PNKD: variants seen among roughly 807,000 people sequenced by gnomAD.
The protein encoded by PNKD is PNKD metallo-beta-lactamase domain containing.
A neutral mutation model predicts 45.3 loss-of-function variants in PNKD; 36 were observed. The ratio of observed to expected loss-of-function variants is 0.80; its 90% confidence interval spans 0.61 to 1.05. PNKD has a LOEUF of 1.05. PNKD is among the 50% of genes least tolerant of loss of function. The probability of loss-of-function intolerance (pLI) is 0.00; values close to 1 mark genes in which losing one functional copy is unlikely to be tolerated. For missense variants in PNKD, 511 were observed against 506.6 expected, an observed-to-expected ratio of 1.01 and a Z score of -0.08; for synonymous variants, 197 against 210.1, an observed-to-expected ratio of 0.94 and a Z score of 0.54.
intron 2 of PNKD, among the ~76,000 whole-genome samples, chr2:218,315,120 C>CTTTCTTT (rs1553667879): frequency 3.8e-4 from 18 of 47,170 alleles, no homozygotes; most frequent in African/African-American, 7.3e-4. Flanking sequence ...TTCCTTCCTT[C>CTTTCTTT]CTTTCTTTCT....
At chr2:218,323,499 C>T in intron 2 of PNKD, 2 of 222,680 alleles carry the variant, frequency 9.0e-6, no homozygotes, top group Non-Finnish European at 1.5e-5. Context: ...GACTGGGAGG[C>T]GGGGGCTGGA....
rs760758102 is a variant in PNKD at position 218,282,106 on chromosome 2, G to A, written c.236+10557G>A. On this transcript the variant is annotated intron_variant, in intron 2 of 9. Coordinates refer to ENST00000273077, the MANE Select transcript of PNKD (RefSeq NM_015488.5). ...GAGGGCCTGGGTACAGGGGGTTGCG[G>A]TCTTCATATGGTGGTGGGGCGCTGG... The A allele has an allele frequency of 4.5e-6, 7 of 1,553,210 alleles. No individual in the cohort carries two copies. The Admixed American group carries it at 8.0e-5, about 18-fold the overall frequency.
chr2:218,273,282 G>GT (rs1690928534), intron 2 of PNKD, among the ~76,000 whole-genome samples: 3 of 152,000 alleles, frequency 2.0e-5, no homozygotes, highest in South Asian at 2.1e-4. Flanking sequence ...TTTGTTTTTT[G>GT]TTTTTTGAGA....
intron 2 of PNKD, among the ~76,000 whole-genome samples, chr2:218,310,163 T>A (rs1489883974): frequency 6.6e-5 from 10 of 152,202 alleles, no homozygotes; most frequent in African/African-American, 2.4e-4. Flanking sequence ...TGATGGCATC[T>A]TGAAGCAAGA....
At chr2:218,311,382 A>G (rs1348293160) in intron 2 of PNKD, among the ~76,000 whole-genome samples, 1 of 152,230 alleles carries the variant, frequency 6.6e-6, no homozygotes, top group Non-Finnish European at 1.5e-5. Context: ...CTCAGCATAC[A>G]GAGGACCCGC....
intron 2 of PNKD, among the ~76,000 whole-genome samples, chr2:218,298,364 G>A (rs889913858): frequency 5.3e-5 from 8 of 152,120 alleles, no homozygotes; most frequent in African/African-American, 9.7e-5. Context: ...CAGGTGAATC[G>A]CCAGCCACAC....
Position 218,279,026 on chromosome 2 carries a change from G to A in PNKD, c.236+7477G>A, listed in dbSNP as rs779438740. 9.9e-6 allele frequency: 16 copies of A among 1,613,944 alleles called. No individual in the cohort carries two copies. The African/African-American group carries it at 1.5e-4, about 15-fold the overall frequency. On this transcript the variant is annotated intron_variant, in intron 2 of 9. Transcript: ENST00000273077. ...TGCCTCCCTGCCCAACCACAGAGGAGCACACACTCACTAGGACACGTAGTA... is the reference window on the plus strand; with the variant it reads ...TGCCTCCCTGCCCAACCACAGAGGAACACACACTCACTAGGACACGTAGTA...
In PNKD at chr2:218,271,332, T is replaced by C. The variant is rs573536458; in HGVS notation, c.68-49T>C. 6 of 1,564,176 alleles carry C rather than the reference T, an allele frequency of 3.8e-6. No homozygotes were observed. The East Asian group carries it at 1.1e-4, about 29-fold the overall frequency. On this transcript the variant is annotated intron_variant, in intron 1 of 9. Transcript: ENST00000273077. ...CCTTACTGCCCCCCACCTCCCCGCT[T>C]GCTTTCTTCTCATCTCTTCTTACTG... is the stretch of plus-strand genomic sequence containing the variant.
At chr2:218,310,618 G>T (rs11885190) in intron 2 of PNKD, among the ~76,000 whole-genome samples, 4,405 of 138,652 alleles carry the variant, frequency 0.032, 233 homozygotes, top group African/African-American at 0.11. Flanking sequence ...TTGAGGTGGA[G>T]TCTCCCCCTG....
At chr2:218,279,199 G>A in intron 2 of PNKD, 3 of 1,567,612 alleles carry the variant, frequency 1.9e-6, no homozygotes, top group Non-Finnish European at 2.6e-6. Context: ...TGGTCACCCT[G>A]AGAGCAGGGC....
At chr2:218,315,197 A>G (rs752188724) in intron 2 of PNKD, among the ~76,000 whole-genome samples, 16 of 145,640 alleles carry the variant, frequency 1.1e-4, no homozygotes, top group Admixed American at 2.9e-4. Context: ...GCTGGAGTGC[A>G]GTGGCGTGAT....
At chr2:218,279,537 A>C in intron 2 of PNKD, 4 of 537,828 alleles carry the variant, frequency 7.4e-6, no homozygotes, top group Non-Finnish European at 1.3e-5. Flanking sequence ...CCCCGCTCCC[A>C]TGCTCCCTGC....
chr2:218,288,196 AGGCG>A (rs541928761), intron 2 of PNKD, among the ~76,000 whole-genome samples: 3,281 of 152,322 alleles, frequency 0.022, 44 homozygotes, highest in Non-Finnish European at 0.032. Flanking sequence ...TGGGAGGCCA[AGGCG>A]GGCGGATCAC....
At chr2:218,273,301 C>G (rs1690929751) in intron 2 of PNKD, among the ~76,000 whole-genome samples, 1 of 152,150 alleles carries the variant, frequency 6.6e-6, no homozygotes, top group Non-Finnish European at 1.5e-5. Context: ...GACGGAGTCT[C>G]GCTCTGTTAC....
intron 2 of PNKD, chr2:218,277,386 T>C (rs773402215): frequency 5.0e-6 from 8 of 1,613,970 alleles, no homozygotes; most frequent in Non-Finnish European, 5.1e-6. Flanking sequence ...AAGCAGAAGA[T>C]GGTGACTGAA....
intron 2 of PNKD, among the ~76,000 whole-genome samples, chr2:218,321,552 GAAGATAATTT>G (rs1479187236): frequency 2.0e-5 from 3 of 151,160 alleles, no homozygotes; most frequent in Admixed American, 6.6e-5. Flanking sequence ...AATTCAGTTT[GAAGATAATTT>G]AACATATCCC....
chr2:218,291,830 G>A (rs1438506933), intron 2 of PNKD, among the ~76,000 whole-genome samples: 1 of 152,214 alleles, frequency 6.6e-6, no homozygotes, highest in Non-Finnish European at 1.5e-5. Flanking sequence ...GGGAAACAGT[G>A]GCTGGAAGTG....
intron 2 of PNKD, chr2:218,281,129 GT>G (rs751981679): frequency 0.022 from 1,065 of 47,604 alleles, 18 homozygotes; most frequent in Non-Finnish European, 0.029. Flanking sequence ...TTTGTTTTTT[GT>G]TTTTTTTTTG....
rs116906709 is a variant in PNKD, at chr2:218,331,572, G to A, written c.237-8211G>A. ...TGCAACCTCTGCCTGCCAGGTTCAA[G>A]CAGTTCTGCCTCAGTCTCCCAAGTA... is the stretch of plus-strand genomic sequence containing the variant. On this transcript the variant is annotated intron_variant, in intron 2 of 9. Coordinates refer to ENST00000273077, the MANE Select transcript of PNKD (RefSeq NM_015488.5). Among the ~76,000 whole-genome samples, 283 of 152,202 alleles carry A rather than the reference G, an allele frequency of 1.9e-3. 5 individuals carry two copies. In the East Asian group the frequency reaches 0.04, roughly 22 times the overall value.
Sources: allele counts gnomAD v4.1 joint callset (sites outside exome capture counted in the v4.1 genomes callset), GRCh38; gene constraint gnomAD v4.1.1; transcripts MANE v1.5; gene names NCBI Gene and HGNC (gene_info 2026-07-23, HGNC 2026-07-21).